Variants in PPP2R5B observed in about 807,000 individuals in gnomAD.
PPP2R5B encodes the protein serine/threonine-protein phosphatase 2A 56 kDa regulatory subunit beta isoform.
A neutral mutation model predicts 59.9 loss-of-function variants in PPP2R5B; 19 were observed. The observed-to-expected ratio is 0.32, with a 90% CI of 0.22 to 0.47. The LOEUF (loss-of-function observed/expected upper bound fraction) is 0.47. Ranked by LOEUF, PPP2R5B falls within the 20% of genes least tolerant of loss-of-function variation. The probability of loss-of-function intolerance (pLI) is 1.00; values close to 1 mark genes in which losing one functional copy is unlikely to be tolerated. For synonymous variants in PPP2R5B, 286 were observed against 260.5 expected (o/e 1.10, Z -0.94); for missense variants, 441 against 640.2 (o/e 0.69, Z 3.36).
At chr11:64,922,176 C>CAA (rs1367401643), upstream of PPP2R5B, among the ~76,000 whole-genome samples, 3 of 138,266 alleles carry the variant, frequency 2.2e-5, no homozygotes, top group Non-Finnish European at 3.1e-5. Flanking sequence ...CGCGCCACTG[C>CAA]AAAAAAAAAA....
Position 64,925,386 on chromosome 11 carries a change from G to A in PPP2R5B, c.-264-85G>A, listed in dbSNP as rs1565098170. On this transcript the variant is annotated intron_variant, in intron 1 of 13. Transcript: ENST00000164133. This position sits in a 1 kb window ranked among gnomAD's most constrained non-coding sequence, Gnocchi z 4.6. ...GAGGGAAAAGACCTGGGCACTCCAC[G>A]CAGCCTCCCGGCTCTCCTGAGGAAC... 1.8e-5 allele frequency: 4 copies of A among 224,754 alleles called. No individual in the cohort carries two copies. The highest frequency in any genetic ancestry group is 5.5e-5 in the South Asian group (1 of 18,174). 13.9% of individuals were successfully genotyped at this position (224,754 alleles called of 1,614,324 possible).
upstream of PPP2R5B, among the ~76,000 whole-genome samples, chr11:64,923,865 G>A (rs760213760): frequency 6.6e-6 from 1 of 152,098 alleles, no homozygotes; most frequent in African/African-American, 2.4e-5. Flanking sequence ...ATCCTAGGAC[G>A]GGGGCCCAGG....
At position 64,925,616 on chromosome 11, in the gene PPP2R5B, C is replaced by A. The variant is rs563266633; in HGVS notation, c.-119C>A. On this transcript the variant is annotated 5_prime_UTR_variant, in exon 2 of 14. Coordinates refer to ENST00000164133, the MANE Select transcript of PPP2R5B (RefSeq NM_006244.4). The surrounding 1 kb of genome is among the most constrained non-coding windows in gnomAD (Gnocchi z 4.6). The stretch of plus-strand genomic sequence containing the variant: ...GGGGGGCCCAGGACTGTGGTTGTGC[C>A]CCCCCCCCAAAGGCCGGACAGGATG... 5 of 530,024 alleles carry A rather than the reference C, an allele frequency of 9.4e-6. No individual in the cohort carries two copies. Among genetic ancestry groups the A allele is most frequent in the South Asian group, 2.0e-5 (1 of 49,224 alleles). 32.8% of individuals were successfully genotyped at this position (530,024 alleles called of 1,614,324 possible).
chr11:64,920,829 C>T (rs944483990), upstream of PPP2R5B, among the ~76,000 whole-genome samples: 1 of 151,496 alleles, frequency 6.6e-6, no homozygotes, highest in African/African-American at 2.4e-5. Context: ...GGGGTTTCAC[C>T]GTGTTGGTCA....
intron 5 of PPP2R5B, 64 bp downstream of exon 5, chr11:64,928,222 G>A: frequency 6.2e-7 from 1 of 1,613,358 alleles, no homozygotes; most frequent in Non-Finnish European, 8.5e-7. Context: ...GAGGGGCCAG[G>A]GATAGGATGG....
upstream of PPP2R5B, among the ~76,000 whole-genome samples, chr11:64,923,447 C>T (rs1015423048): frequency 3.3e-5 from 5 of 152,168 alleles, no homozygotes; most frequent in Admixed American, 6.5e-5. Flanking sequence ...CACCAAGGGC[C>T]GGATGGGCAA....
intron 6 of PPP2R5B, among the ~76,000 whole-genome samples, chr11:64,928,961 G>C (rs1267735749): frequency 6.6e-6 from 1 of 150,988 alleles, no homozygotes; most frequent in African/African-American, 2.4e-5. Context: ...GGGAGACTGT[G>C]TCTCAAAAAA....
intron 8 of PPP2R5B, 46 bp downstream of exon 8, chr11:64,930,635 CA>C (rs757958588): frequency 1.3e-6 from 2 of 1,532,006 alleles, no homozygotes; most frequent in Non-Finnish European, 1.8e-6. Flanking sequence ...TCCAGACAGT[CA>C]GGGCAGCCAG....
upstream of PPP2R5B, among the ~76,000 whole-genome samples, chr11:64,923,469 G>C (rs1945128101): frequency 6.6e-6 from 1 of 152,232 alleles, no homozygotes; most frequent in African/African-American, 2.4e-5. Context: ...GCCTGCCGGA[G>C]GTTCCTGAGC....
chr11:64,928,734 A>C (rs1031260072), intron 6 of PPP2R5B, among the ~76,000 whole-genome samples: 1 of 152,218 alleles, frequency 6.6e-6, no homozygotes, highest in African/African-American at 2.4e-5. Flanking sequence ...AATACAAAAA[A>C]TTAGCCGGGC....
chr11:64,930,195 G>A (rs528394439), intron 6 of PPP2R5B, 127 bp from the exon 7 acceptor site: 56 of 1,040,810 alleles, frequency 5.4e-5, no homozygotes, highest in Middle Eastern at 3.0e-4. Context: ...GGAAGGGAGC[G>A]CAGCCTCTGG....
Position 64,933,893 on chromosome 11 carries a change from T to C in PPP2R5B, c.*49T>C, listed in dbSNP as rs1045330379. ...CTAAACCCAGAGCTGTCAGTCCCTC[T>C]ATCCCTTCTCCTGTCCAGGGGCCCA... On this transcript the variant is annotated 3_prime_UTR_variant, in exon 14 of 14. Coordinates refer to ENST00000164133, the MANE Select transcript of PPP2R5B (RefSeq NM_006244.4). 1 of 1,460,198 alleles carries C rather than the reference T, an allele frequency of 6.8e-7. No homozygotes were observed. Among genetic ancestry groups the C allele is most frequent in the Non-Finnish European group, 9.1e-7 (1 of 1,102,448 alleles). 90.5% of individuals were successfully genotyped at this position (1,460,198 alleles called of 1,614,324 possible). A position where few individuals can be genotyped will look rare whatever the true frequency, so the allele number is the denominator to read the frequency against.
chr11:64,927,816 C>A lies in PPP2R5B; in HGVS notation c.411C>A (p.Ile137=). The A allele has an allele frequency of 6.2e-7, 1 of 1,607,656 alleles. No individual in the cohort carries two copies. The highest frequency in any genetic ancestry group is 8.5e-7 in the Non-Finnish European group (1 of 1,174,194). The change falls in exon 4 of 14, where the codon ATC becomes ATA. Residue 137 remains isoleucine (I), a synonymous_variant. Transcript: ENST00000164133. ...PDIIRMISVN[I]FRTLPPSENP... ...CTGCCACTCAGATCTCAGTGAATAT[C>A]TTCCGGACTCTGCCGCCCAGTGAGA...
At position 64,931,794 on chromosome 11, in the gene PPP2R5B, C is replaced by G; in HGVS notation, c.1042C>G (p.Pro348Ala). Residue 348 changes from proline to alanine, a missense_variant, in exon 11 of 14, where the codon CCC becomes GCC. Coordinates refer to ENST00000164133, the MANE Select transcript of PPP2R5B (RefSeq NM_006244.4). This position sits in a 1 kb window ranked among gnomAD's most constrained non-coding sequence, Gnocchi z 5.0. Reference protein sequence around the residue: ...EMEEILDVIEPSQFVKIQEPL... With the variant: ...EMEEILDVIEASQFVKIQEPL... ...GGAAGAGATTCTTGATGTCATCGAG[C>G]CCTCCCAGTTTGTGAAGATCCAGGA... The G allele has an allele frequency of 1.9e-6, 3 of 1,614,168 alleles. No individual in the cohort carries two copies. The highest frequency in any genetic ancestry group is 2.5e-6 in the Non-Finnish European group (3 of 1,180,032).
chr11:64,921,162 C>T (rs1945107097), upstream of PPP2R5B, among the ~76,000 whole-genome samples: 1 of 151,524 alleles, frequency 6.6e-6, no homozygotes, highest in Non-Finnish European at 1.5e-5. Flanking sequence ...CACTATGTGG[C>T]CCAGGCTGGT....
chr11:64,930,486 T>A lies in PPP2R5B; in HGVS notation c.788T>A (p.Ile263Asn). The A allele has an allele frequency of 6.2e-7, 1 of 1,614,146 alleles. No homozygotes were observed. ...CTCTTCTGCCTCCTCCTCAGCATCA[T>A]CAATGGCTTTGCGCTGCCCCTGAAG... ...AELLEILGSI[I>N]NGFALPLKTE... The change falls in exon 8 of 14, where the codon ATC (isoleucine) becomes AAC (asparagine). Residue 263 changes from isoleucine to asparagine, a missense_variant. By Grantham distance (149) the Ile-to-Asn change is moderately radical (BLOSUM62 -3). This residue lies in a region of PPP2R5B where 268 missense variants were observed against 488.1 expected (regional missense o/e 0.55). Coordinates refer to ENST00000164133, the MANE Select transcript of PPP2R5B (RefSeq NM_006244.4).
intron 6 of PPP2R5B, among the ~76,000 whole-genome samples, chr11:64,929,797 G>T (rs1026578545): frequency 6.6e-6 from 1 of 152,198 alleles, no homozygotes; most frequent in African/African-American, 2.4e-5. Context: ...ATGGGGCCTT[G>T]CCTGCAAAGC....
chr11:64,930,337 C>T lies in PPP2R5B; in HGVS notation c.738C>T (p.Phe246=), dbSNP rs186585758. 21 of 1,614,012 alleles carry T rather than the reference C, an allele frequency of 1.3e-5. No homozygotes were observed. The highest frequency in any genetic ancestry group is 4.5e-5 in the East Asian group (2 of 44,870). The change falls in exon 7 of 14, where the codon TTC becomes TTT. Residue 246 remains phenylalanine, a synonymous_variant. Transcript: ENST00000164133. ...NHIFLRFIYE[F]EHFNGVAELL... is the part of the protein sequence containing the mutation. Reference sequence around the variant, plus strand: ...TCTCTTGCAGGTTCATCTATGAATTCGAGCACTTCAATGGTGTGGCTGAGC... The same window carrying T: ...TCTCTTGCAGGTTCATCTATGAATTTGAGCACTTCAATGGTGTGGCTGAGC...
chr11:64,918,200 G>A (rs1364175440), intron 1 of PPP2R5B: 1 of 152,158 alleles, frequency 6.6e-6, no homozygotes, highest in South Asian at 2.1e-4. Flanking sequence ...CTTGCTACAA[G>A]AGCAGAATTC....
Sources: allele counts gnomAD v4.1 joint callset (sites outside exome capture counted in the v4.1 genomes callset), GRCh38; gene constraint gnomAD v4.1.1; regional missense constraint gnomAD v4.1.1; non-coding constraint Gnocchi (gnomAD v3.1); transcripts MANE v1.5; gene names NCBI Gene and HGNC (gene_info 2026-07-23, HGNC 2026-07-21).